Variants in C4BPB observed in about 807,000 individuals in gnomAD.
C4BPB encodes C4b-binding protein beta chain.
A neutral mutation model predicts 26.6 loss-of-function variants in C4BPB; 19 were observed. The ratio of observed to expected loss-of-function variants is 0.71; its 90% CI spans 0.50 to 1.05. The LOEUF (loss-of-function observed/expected upper bound fraction) is 1.05. C4BPB is among the 50% of genes least tolerant of loss of function. C4BPB has a pLI of 0.00. For synonymous variants in C4BPB, 118 were observed against 103.5 expected (o/e 1.14, Z -0.85); for missense variants, 282 against 302.9 (o/e 0.93, Z 0.51).
At chr1:207,096,274 T>C in intron 4 of C4BPB, 1 of 475,446 alleles carries the variant, frequency 2.1e-6, no homozygotes, top group Admixed American at 3.7e-5. Context: ...TACTCCCAAA[T>C]CCCTACTAAC....
chr1:207,098,408 A>G, intron 6 of C4BPB, 144 bp downstream of exon 6: 1 of 587,064 alleles, frequency 1.7e-6, no homozygotes, highest in Non-Finnish European at 3.0e-6. Context: ...TGTAGAAGGG[A>G]CTCATAAACT....
intron 2 of C4BPB, among the ~76,000 whole-genome samples, chr1:207,090,039 A>G (rs1220231903): frequency 6.6e-6 from 1 of 152,226 alleles, no homozygotes; most frequent in African/African-American, 2.4e-5. Flanking sequence ...TGAGAGGCCG[A>G]GGTGGGCGGA....
rs781647739 is a variant in C4BPB at position 207,099,915 on chromosome 1, G to A, written c.745G>A (p.Ala249Thr). 1.9e-5 allele frequency: 30 copies of A among 1,612,496 alleles called. No individual in the cohort carries two copies. Among genetic ancestry groups the A allele is most frequent in the Non-Finnish European group, 2.4e-5 (28 of 1,179,368 alleles). Reference protein sequence around the residue: ...SLELKKAELKAKLL With the variant: ...SLELKKAELKTKLL ...GGAGCTGAAGAAAGCTGAGTTGAAG[G>A]CAAAATTGTTGTAACACTACAGCTG... Residue 249 changes from alanine (A) to threonine (T), a missense_variant, in exon 7 of 7, where the codon GCA (alanine) becomes ACA (threonine). Physicochemically the swap from Ala to Thr is moderately conservative, Grantham distance 58. Transcript: ENST00000367078.
intron 6 of C4BPB, among the ~76,000 whole-genome samples, chr1:207,099,266 C>A (rs955736454): frequency 6.6e-6 from 1 of 152,228 alleles, no homozygotes; most frequent in African/African-American, 2.4e-5. Flanking sequence ...GTTTCACGCT[C>A]TTATGAGAAT....
chr1:207,091,563 C>A, intron 3 of C4BPB, 81 bp from the exon 4 acceptor site: 1 of 1,153,122 alleles, frequency 8.7e-7, no homozygotes, highest in South Asian at 1.5e-5. Flanking sequence ...TGTTTTCTCA[C>A]TGAAGACTGA....
chr1:207,091,037 T>A (rs1684004566), intron 3 of C4BPB, among the ~76,000 whole-genome samples: 1 of 152,230 alleles, frequency 6.6e-6, no homozygotes, highest in Admixed American at 6.5e-5. Flanking sequence ...TTGCTCAAGG[T>A]CACAAAACTC....
At chr1:207,091,206 T>C (rs764683154) in intron 3 of C4BPB, among the ~76,000 whole-genome samples, 20 of 152,222 alleles carry the variant, frequency 1.3e-4, no homozygotes, top group Non-Finnish European at 2.6e-4. Flanking sequence ...CATATATCCC[T>C]GTGCATTCTC....
rs1273767722 is a variant in C4BPB at position 207,091,743 on chromosome 1, A to T, written c.332A>T (p.Tyr111Phe). The T allele has an allele frequency of 3.1e-6, 5 of 1,614,162 alleles. No homozygotes were observed. The highest frequency in any genetic ancestry group is 4.2e-6 in the Non-Finnish European group (5 of 1,180,000). ...ATCACGTTTATGTGCAATGACCACT[A>T]CATCCTCAAGGGCAGCAATCGGAGC... ...DKITFMCNDHYILKGSNRSQC... is the reference protein window; with the variant it reads ...DKITFMCNDHFILKGSNRSQC... The change falls in exon 4 of 7, where the codon TAC becomes TTC. Residue 111 changes from tyrosine to phenylalanine, a missense_variant. By Grantham distance (22) the Tyr-to-Phe change is conservative. Coordinates refer to ENST00000367078, the MANE Select transcript of C4BPB (RefSeq NM_001017365.3).
At chr1:207,092,381 C>A (rs998539872) in intron 4 of C4BPB, among the ~76,000 whole-genome samples, 1 of 151,810 alleles carries the variant, frequency 6.6e-6, no homozygotes, top group Admixed American at 6.6e-5. Context: ...TATAAATATA[C>A]CTATAGAAAA....
chr1:207,099,287 C>T (rs188242083), intron 6 of C4BPB, among the ~76,000 whole-genome samples: 84 of 152,326 alleles, frequency 5.5e-4, no homozygotes, highest in Non-Finnish European at 1.1e-3. Flanking sequence ...CTAATGCCAC[C>T]TCTGACCTGA....
At chr1:207,094,971 A>G (rs1684184246) in intron 4 of C4BPB, 2 of 220,824 alleles carry the variant, frequency 9.1e-6, no homozygotes, top group African/African-American at 2.4e-5. Context: ...ATGTGTAACC[A>G]TGATTTACAA....
intron 4 of C4BPB, chr1:207,095,950 G>A (rs1156703836): frequency 5.9e-6 from 1 of 170,656 alleles, no homozygotes; most frequent in African/African-American, 2.4e-5. Flanking sequence ...CTCCCCAGAA[G>A]CCGAGCAGAT....
intron 4 of C4BPB, among the ~76,000 whole-genome samples, chr1:207,092,879 C>T (rs1396856842): frequency 6.6e-6 from 1 of 152,106 alleles, no homozygotes; most frequent in Non-Finnish European, 1.5e-5. Context: ...CCCACCTCGG[C>T]CTCCTAAAGT....
chr1:207,096,701 C>G, intron 5 of C4BPB, 86 bp downstream of exon 5: 1 of 732,548 alleles, frequency 1.4e-6, no homozygotes, highest in South Asian at 1.8e-5. Context: ...TCCACCTGGT[C>G]ATCTGATTTC....
Position 207,099,783 on chromosome 1 carries a change from C to T in C4BPB, c.619-6C>T, listed in dbSNP as rs1336180768. On this transcript the variant is annotated splice_polypyrimidine_tract_variant and splice_region_variant and intron_variant, in intron 6 of 6. Coordinates refer to ENST00000367078, the MANE Select transcript of C4BPB (RefSeq NM_001017365.3). ...TTGTAACTTGTGAAAAATTTTCTTT[C>T]TTCAGCTTGCCTTTCAGGAGAGTAA... is the stretch of plus-strand genomic sequence containing the variant. 1 of 1,607,186 alleles carries T rather than the reference C, an allele frequency of 6.2e-7. No homozygotes were observed. The highest frequency in any genetic ancestry group is 8.5e-7 in the Non-Finnish European group (1 of 1,177,830).
At chr1:207,091,898 G>A in intron 4 of C4BPB, 78 bp downstream of exon 4, 3 of 1,238,360 alleles carry the variant, frequency 2.4e-6, no homozygotes, top group Non-Finnish European at 3.3e-6. Flanking sequence ...CACATCCCTG[G>A]GATGCTTTTC....
rs1378141023 is a variant in C4BPB at position 207,090,430 on chromosome 1, CT to C, written c.187del (p.Cys63AlafsTer25). ...CTACCACCTGGTAGGAAAGAAGACC[CT>C]TTTTTGCAATGCCTCTAAGGAGTGG... ...KGYHLVGKKT[L>X]FCNASKEWDN... On this transcript the variant is annotated frameshift_variant, in exon 3 of 7. Coordinates refer to ENST00000367078, the MANE Select transcript of C4BPB (RefSeq NM_001017365.3). LOFTEE classifies it high-confidence loss of function. 1 of 1,613,998 alleles carries C rather than the reference CT, an allele frequency of 6.2e-7. No homozygotes were observed. Among genetic ancestry groups the C allele is most frequent in the Non-Finnish European group, 8.5e-7 (1 of 1,179,924 alleles).
intron 4 of C4BPB, among the ~76,000 whole-genome samples, chr1:207,094,679 G>A (rs189501504): frequency 3.2e-4 from 48 of 152,040 alleles, no homozygotes; most frequent in African/African-American, 1.0e-3. Flanking sequence ...ATCTCCTTCC[G>A]TTCAAAATTG....
intron 4 of C4BPB, among the ~76,000 whole-genome samples, chr1:207,092,737 G>C (rs56166793): frequency 0.046 from 6,949 of 149,650 alleles, 520 homozygotes; most frequent in African/African-American, 0.16. Flanking sequence ...TAGCGATTCT[G>C]CTGCCTCAGC....
Sources: allele counts gnomAD v4.1 joint callset (sites outside exome capture counted in the v4.1 genomes callset), GRCh38; gene constraint gnomAD v4.1.1; transcripts MANE v1.5; gene names NCBI Gene and HGNC (gene_info 2026-07-23, HGNC 2026-07-21).